Variants in GAL observed in about 807,000 individuals in gnomAD.
GAL encodes galanin and GMAP prepropeptide.
Under a neutral mutation model 15.8 loss-of-function variants are expected in GAL, and 14 were observed. That is an observed-to-expected ratio of 0.89 (90% CI 0.59 to 1.39). The LOEUF (loss-of-function observed/expected upper bound fraction) is 1.39, where lower values mean the gene tolerates loss of function less well. Ranked by LOEUF, GAL falls within the 40% of genes most tolerant of loss-of-function variation. The probability of loss-of-function intolerance (pLI) is 0.00; values close to 1 mark genes in which losing one functional copy is unlikely to be tolerated. For synonymous variants in GAL, 79 were observed against 73.8 expected (o/e 1.07, Z -0.36); for missense variants, 176 against 170.4 (o/e 1.03, Z -0.18).
intron 5 of GAL, among the ~76,000 whole-genome samples, chr11:68,689,209 G>C (rs994604390): frequency 6.6e-6 from 1 of 152,188 alleles, no homozygotes; most frequent in Non-Finnish European, 1.5e-5. Context: ...CATTCTACTG[G>C]AACCATATCT....
chr11:68,687,934 G>A, intron 3 of GAL, 80 bp from the exon 4 acceptor site: 1 of 856,590 alleles, frequency 1.2e-6, no homozygotes, highest in Non-Finnish European at 2.0e-6. Flanking sequence ...GCTACAGGCA[G>A]CCCTGTGTCC....
At chr11:68,689,891 C>T (rs921547056) in intron 5 of GAL, among the ~76,000 whole-genome samples, 20 of 152,230 alleles carry the variant, frequency 1.3e-4, no homozygotes, top group African/African-American at 1.4e-4. Flanking sequence ...ATTCATTCTA[C>T]GATGGGCATC....
intron 3 of GAL, among the ~76,000 whole-genome samples, chr11:68,687,710 G>A (rs1249611453): frequency 6.6e-6 from 1 of 152,138 alleles, no homozygotes. Context: ...CTGGACCCAG[G>A]CGCAACCCCT....
At chr11:68,686,064 G>T (rs963604875) in intron 3 of GAL, among the ~76,000 whole-genome samples, 1 of 152,098 alleles carries the variant, frequency 6.6e-6, no homozygotes, top group Non-Finnish European at 1.5e-5. Flanking sequence ...TTGCCAGATC[G>T]CCTGAAGGCA....
chr11:68,690,477 G>A (rs902846537), intron 5 of GAL, among the ~76,000 whole-genome samples: 1 of 152,128 alleles, frequency 6.6e-6, no homozygotes, highest in African/African-American at 2.4e-5. Context: ...GGAAAAGGCG[G>A]TGTTCATTAG....
Position 68,687,430 on chromosome 11 carries a change from C to T in GAL, c.137-584C>T, listed in dbSNP as rs184947511. Among the ~76,000 whole-genome samples, 4 of 152,196 alleles carry T rather than the reference C, an allele frequency of 2.6e-5. No homozygotes were observed. In the East Asian group the frequency reaches 7.7e-4, roughly 29 times the overall value. On this transcript the variant is annotated intron_variant, in intron 3 of 5. Transcript: ENST00000265643. ...ACCACGAAACACACCCACACACACA[C>T]GGGAACGCACACACGCTCCTGCACC... is the stretch of plus-strand genomic sequence containing the variant.
At chr11:68,688,224 A>G (rs773873230) in intron 4 of GAL, 124 bp downstream of exon 4, 79 of 673,830 alleles carry the variant, frequency 1.2e-4, no homozygotes, top group Non-Finnish European at 2.1e-4. Flanking sequence ...CCATGACTTG[A>G]CTAAGACGAT....
Position 68,691,167 on chromosome 11 carries a change from T to C in GAL, c.*180T>C. 1 of 577,950 alleles carries C rather than the reference T, an allele frequency of 1.7e-6. No homozygotes were observed. The highest frequency in any genetic ancestry group is 3.1e-6 in the Non-Finnish European group (1 of 323,362). 35.8% of individuals were successfully genotyped at this position (577,950 alleles called of 1,614,324 possible). A position where few individuals can be genotyped will look rare whatever the true frequency, so the allele number is the denominator to read the frequency against. ...TTATTTTGAGTGGCAAAATAAAGAA[T>C]AGCAATTACTTGCAATTGTCTTTTT... On this transcript the variant is annotated 3_prime_UTR_variant, in exon 6 of 6. Transcript: ENST00000265643.
chr11:68,686,296 C>T (rs139831332), intron 3 of GAL, among the ~76,000 whole-genome samples: 5 of 152,164 alleles, frequency 3.3e-5, no homozygotes, highest in Non-Finnish European at 5.9e-5. Context: ...TTGGTCTGTG[C>T]AGCAATGCCT....
At chr11:68,686,312 C>T (rs560830234) in intron 3 of GAL, among the ~76,000 whole-genome samples, 1 of 152,316 alleles carries the variant, frequency 6.6e-6, no homozygotes, top group South Asian at 2.1e-4. Context: ...TGCCTTCTGA[C>T]TTTCCTCCAA....
chr11:68,690,156 G>A (rs1352394141), intron 5 of GAL, among the ~76,000 whole-genome samples: 1 of 151,784 alleles, frequency 6.6e-6, no homozygotes, highest in East Asian at 1.9e-4. Context: ...TAAGGGGGAG[G>A]TGGTGGAGGG....
At position 68,691,047 on chromosome 11, in the gene GAL, G is replaced by C; in HGVS notation, c.*60G>C. On this transcript the variant is annotated 3_prime_UTR_variant, in exon 6 of 6. Transcript: ENST00000265643. ...CCTGAAGTCAAACCTTAAGATAATG[G>C]ATAATCTTCGGCCAATTTATGCAGA... The C allele has an allele frequency of 9.6e-7, 1 of 1,044,734 alleles. No homozygotes were observed. Among genetic ancestry groups the C allele is most frequent in the Non-Finnish European group, 1.5e-6 (1 of 662,788 alleles). The allele number at this position is 1,044,734 out of a possible 1,614,324, so 64.7% of individuals were successfully genotyped here.
intron 4 of GAL, among the ~76,000 whole-genome samples, chr11:68,688,620 C>T (rs570325343): frequency 6.6e-6 from 1 of 152,090 alleles, no homozygotes; most frequent in South Asian, 2.1e-4. Context: ...CAGAGTGAGA[C>T]TCCATCTCAA....
intron 3 of GAL, among the ~76,000 whole-genome samples, chr11:68,686,940 C>T (rs1471306929): frequency 6.6e-6 from 1 of 152,186 alleles, no homozygotes; most frequent in Non-Finnish European, 1.5e-5. Context: ...AACTCATTTT[C>T]GCCATCAATT....
At chr11:68,690,867 C>T (rs1555221784) in intron 5 of GAL, 50 bp from the exon 6 acceptor site, 3 of 1,146,584 alleles carry the variant, frequency 2.6e-6, no homozygotes, top group Middle Eastern at 1.9e-4. Flanking sequence ...GTAATTCTCT[C>T]ATGTGCATAT....
chr11:68,690,849 T>TTGTAG, intron 5 of GAL, 68 bp from the exon 6 acceptor site: 1 of 991,714 alleles, frequency 1.0e-6, no homozygotes, highest in Non-Finnish European at 1.6e-6. Context: ...GTAGCATGTG[T>TTGTAG]CGTGGTTGTA....
Position 68,685,012 on chromosome 11 carries a change from C to A in GAL, c.81+8C>A. The A allele has an allele frequency of 6.4e-7, 1 of 1,570,192 alleles. No homozygotes were observed. Among genetic ancestry groups the A allele is most frequent in the Non-Finnish European group, 8.7e-7 (1 of 1,151,346 alleles). On this transcript the variant is annotated splice_region_variant and intron_variant, in intron 2 of 5. Coordinates refer to ENST00000265643, the MANE Select transcript of GAL (RefSeq NM_015973.5). ...GCGGGGCTCTGGTCGCCGGTAAGTG[C>A]GGGGCGCGTCTCCTCCGAGCGAAGG...
At chr11:68,688,490 G>A (rs562035390) in intron 4 of GAL, among the ~76,000 whole-genome samples, 4 of 152,312 alleles carry the variant, frequency 2.6e-5, no homozygotes, top group South Asian at 2.1e-4. Flanking sequence ...TTAGCCAGGC[G>A]TGGTGGTGGG....
At chr11:68,688,167 G>T in intron 4 of GAL, 67 bp downstream of exon 4, 1 of 978,698 alleles carries the variant, frequency 1.0e-6, no homozygotes, top group Non-Finnish European at 1.7e-6. Flanking sequence ...GCATGCAGGG[G>T]ACAGCTGTGG....
Sources: gnomAD v4.1 joint callset for allele counts (sites outside exome capture counted in the v4.1 genomes callset) on GRCh38, gnomAD v4.1.1 for gene constraint, MANE v1.5 for transcripts, NCBI Gene and HGNC (gene_info 2026-07-23, HGNC 2026-07-21) for gene names.